PDS5B: variants seen among roughly 807,000 people sequenced by gnomAD.
PDS5B encodes the protein sister chromatid cohesion protein PDS5 homolog B.
Under a neutral mutation model 184.1 loss-of-function variants are expected in PDS5B, and 51 were observed. The observed-to-expected ratio is 0.28, with a 90% CI of 0.22 to 0.35. The LOEUF (loss-of-function observed/expected upper bound fraction) is 0.35. Among genes scored for constraint, PDS5B ranks in the 10% least tolerant of loss-of-function variants. The pLI, the probability that PDS5B is intolerant of heterozygous loss-of-function variation, is 1.00. For missense variants in PDS5B, 1,180 were observed against 1,723.3 expected (o/e 0.68, Z 5.58); for synonymous variants, 566 against 569.2 (o/e 0.99, Z 0.08).
intron 1 of PDS5B, among the ~76,000 whole-genome samples, chr13:32,619,284 G>A (rs1260481377): frequency 6.6e-6 from 1 of 152,080 alleles, no homozygotes; most frequent in Admixed American, 6.6e-5. Context: ...GCTTTGTTAG[G>A]CAATTTCTTC....
At chr13:32,773,166 G>A in intron 33 of PDS5B, 23 bp from the exon 34 acceptor site, 7 of 1,576,116 alleles carry the variant, frequency 4.4e-6, no homozygotes, top group Non-Finnish European at 6.0e-6. Flanking sequence ...CGTTCATTGT[G>A]TTTTACATGT....
At chr13:32,591,380 G>A (rs980670614) in intron 1 of PDS5B, among the ~76,000 whole-genome samples, 1 of 152,072 alleles carries the variant, frequency 6.6e-6, no homozygotes. Context: ...GCCTCCCAAA[G>A]TGCTGAGATT....
rs2058298846 is a variant in PDS5B, at chr13:32,621,344, G to A, written c.-19-27410G>A. On this transcript the variant is annotated intron_variant, in intron 1 of 34. Transcript: ENST00000315596. ...CTGGGCGTGGTGGTGTGTTCCTGTA[G>A]CAATCTCAGCTACTCTGGAGGCTGA... Among the ~76,000 whole-genome samples the A allele has an allele frequency of 2.6e-5, 4 of 152,176 alleles. No individual in the cohort carries two copies. In the South Asian group the frequency reaches 8.3e-4, roughly 32 times the overall value.
intron 31 of PDS5B, among the ~76,000 whole-genome samples, chr13:32,768,792 CAAA>C (rs71194535): frequency 2.2e-5 from 1 of 46,176 alleles, no homozygotes. Context: ...GACTCTGTCT[CAAA>C]AAAAAAAAAA....
At chr13:32,759,951 A>C (rs1954316020) in intron 29 of PDS5B, among the ~76,000 whole-genome samples, 2 of 149,412 alleles carry the variant, frequency 1.3e-5, no homozygotes, top group Non-Finnish European at 2.9e-5. Context: ...TATCAAGATA[A>C]AAAAAATCTT....
chr13:32,725,147 G>A (rs910702162), intron 19 of PDS5B, among the ~76,000 whole-genome samples: 10 of 152,098 alleles, frequency 6.6e-5, no homozygotes, highest in African/African-American at 2.4e-4. Flanking sequence ...TGGTTTCCCA[G>A]TGTTATATTT....
intron 2 of PDS5B, among the ~76,000 whole-genome samples, chr13:32,651,422 G>A (rs368242398): frequency 1.3e-5 from 2 of 152,130 alleles, no homozygotes; most frequent in African/African-American, 4.8e-5. Context: ...CTCATGAAAG[G>A]ATTAGAAATA....
At chr13:32,756,992 G>T (rs372416333) in intron 26 of PDS5B, among the ~76,000 whole-genome samples, 1 of 152,054 alleles carries the variant, frequency 6.6e-6, no homozygotes, top group African/African-American at 2.4e-5. Context: ...AGATGTGGTG[G>T]TGCGTGCTTG....
Position 32,678,933 on chromosome 13 carries a change from C to T in PDS5B, c.1057+4C>T. The T allele has an allele frequency of 3.4e-6, 5 of 1,462,056 alleles. No homozygotes were observed. Among genetic ancestry groups the T allele is most frequent in the Non-Finnish European group, 4.8e-6 (5 of 1,041,678 alleles). 90.6% of individuals were successfully genotyped at this position (1,462,056 alleles called of 1,614,324 possible). On this transcript the variant is annotated splice_donor_region_variant and intron_variant, in intron 10 of 34. Transcript: ENST00000315596. ...GATTTAGCAAAAGACTTAACAGGTA[C>T]TATATATATGTAACAGCAAATATTC...
chr13:32,659,295 A>G lies in PDS5B; in HGVS notation c.624+15A>G. On this transcript the variant is annotated intron_variant, in intron 6 of 34. Coordinates refer to ENST00000315596, the MANE Select transcript of PDS5B (RefSeq NM_015032.4). ...CTGCTCATAAGGTGAGTAGCAATGT[A>G]TACTGTAATGTGTCTAATGCCCGTT... 6.4e-7 allele frequency: 1 copy of G among 1,553,268 alleles called. No homozygotes were observed.
At chr13:32,736,104 A>G (rs755953514) in intron 21 of PDS5B, among the ~76,000 whole-genome samples, 25 of 152,284 alleles carry the variant, frequency 1.6e-4, no homozygotes, top group Middle Eastern at 6.8e-3. Flanking sequence ...GTATAGCACA[A>G]GGAACTTCAA....
chr13:32,760,808 G>A, intron 30 of PDS5B, 88 bp downstream of exon 30: 1 of 1,235,898 alleles, frequency 8.1e-7, no homozygotes, highest in Non-Finnish European at 1.1e-6. Flanking sequence ...AATGTTTCAT[G>A]TCAGTAAATG....
chr13:32,726,215 A>G (rs1952895161), intron 19 of PDS5B, among the ~76,000 whole-genome samples: 1 of 151,678 alleles, frequency 6.6e-6, no homozygotes. Flanking sequence ...CATTTGATAA[A>G]ATGAATAAGA....
In PDS5B at chr13:32,775,189, T is replaced by C. The variant is rs544955972; in HGVS notation, c.*137T>C. ...AAGAGTGGACAGTTGGACCTTACTTTGGTGACCCCATACATTTGTGGTCAC... is the reference window on the plus strand; with the variant it reads ...AAGAGTGGACAGTTGGACCTTACTTCGGTGACCCCATACATTTGTGGTCAC... On this transcript the variant is annotated 3_prime_UTR_variant, in exon 35 of 35. Transcript: ENST00000315596. The C allele has an allele frequency of 1.4e-4, 103 of 710,756 alleles. No individual in the cohort carries two copies. The highest frequency in any genetic ancestry group is 2.3e-4 in the Non-Finnish European group (95 of 421,608). 44.0% of individuals were successfully genotyped at this position (710,756 alleles called of 1,614,324 possible).
intron 7 of PDS5B, among the ~76,000 whole-genome samples, chr13:32,670,241 G>T (rs150472693): frequency 7.5e-4 from 114 of 152,154 alleles, no homozygotes; most frequent in African/African-American, 2.6e-3. Flanking sequence ...GTTTGAGACA[G>T]AGTCTTGCTC....
At chr13:32,608,653 A>G (rs1455032274) in intron 1 of PDS5B, among the ~76,000 whole-genome samples, 2 of 152,182 alleles carry the variant, frequency 1.3e-5, no homozygotes. Context: ...CATAAGCTCA[A>G]ACTTGAACCT....
intron 25 of PDS5B, among the ~76,000 whole-genome samples, chr13:32,753,832 ATTATC>A (rs1954073706): frequency 1.3e-5 from 2 of 152,260 alleles, no homozygotes; most frequent in South Asian, 2.1e-4. Flanking sequence ...TAGATTGAGC[ATTATC>A]TTATTTTAAT....
At chr13:32,628,254 A>G (rs1030113818) in intron 1 of PDS5B, among the ~76,000 whole-genome samples, 1 of 152,144 alleles carries the variant, frequency 6.6e-6, no homozygotes, top group Non-Finnish European at 1.5e-5. Context: ...CGTATTTGCA[A>G]TAATAATACA....
chr13:32,730,668 T>G (rs1376019036), intron 19 of PDS5B, among the ~76,000 whole-genome samples: 1 of 152,150 alleles, frequency 6.6e-6, no homozygotes, highest in Non-Finnish European at 1.5e-5. Flanking sequence ...TCCCATCCCT[T>G]GTAAGTTGTA....
Sources: allele counts gnomAD v4.1 joint callset (sites outside exome capture counted in the v4.1 genomes callset), GRCh38; gene constraint gnomAD v4.1.1; transcripts MANE v1.5; gene names NCBI Gene and HGNC (gene_info 2026-07-23, HGNC 2026-07-21).